The following SCLT1 variants were observed in gnomAD, a reference collection of about 807,000 sequenced individuals.
The protein encoded by SCLT1 is sodium channel-associated protein 1.
Under a neutral mutation model 112.8 loss-of-function variants are expected in SCLT1, and 78 were observed. The ratio of observed to expected loss-of-function variants is 0.69; its 90% CI spans 0.58 to 0.83. The LOEUF (loss-of-function observed/expected upper bound fraction) is 0.83, where lower values mean the gene tolerates loss of function less well. Ranked by LOEUF, SCLT1 falls within the 40% of genes least tolerant of loss-of-function variation. The probability of loss-of-function intolerance (pLI) is 0.00; values close to 1 mark genes in which losing one functional copy is unlikely to be tolerated. For missense variants in SCLT1, 747 were observed against 770.4 expected (o/e 0.97, Z 0.36); for synonymous variants, 257 against 254.7 (o/e 1.01, Z -0.09).
At chr4:128,904,880 T>C (rs1221504624) in intron 18 of SCLT1, among the ~76,000 whole-genome samples, 2 of 152,140 alleles carry the variant, frequency 1.3e-5, no homozygotes, top group East Asian at 3.8e-4. Flanking sequence ...CATTGTTAAC[T>C]AAAAATACCA....
chr4:128,939,347 G>T (rs1428559163), intron 17 of SCLT1, among the ~76,000 whole-genome samples: 1 of 152,100 alleles, frequency 6.6e-6, no homozygotes, highest in Non-Finnish European at 1.5e-5. Context: ...GTGGCTTTTT[G>T]ATGTCAAAAT....
rs559566813 is a variant in SCLT1, at chr4:129,041,360, C to T, written c.234+2035G>A. On this transcript the variant is annotated intron_variant, in intron 4 of 20. Transcript: ENST00000281142. ...AAATGCTTTTATTTGACATTTGGGT[C>T]TAAAGGACAACTTTGTTTATGTATT... Among the ~76,000 whole-genome samples, 29 of 152,208 alleles carry T rather than the reference C, an allele frequency of 1.9e-4. No homozygotes were observed. In the East Asian group the frequency reaches 5.6e-3, roughly 29 times the overall value.
chr4:129,053,477 T>TATGTAATGC (rs1048281610), intron 2 of SCLT1, among the ~76,000 whole-genome samples: 5 of 151,834 alleles, frequency 3.3e-5, no homozygotes, highest in Non-Finnish European at 7.4e-5. Flanking sequence ...CCTTTAACAT[T>TATGTAATGC]ATGTAATGCC....
chr4:129,023,036 C>T (rs1006311362), intron 5 of SCLT1, among the ~76,000 whole-genome samples: 9 of 152,150 alleles, frequency 5.9e-5, no homozygotes, highest in Admixed American at 6.5e-5. Flanking sequence ...ATTTCATACC[C>T]AGCCAAACTA....
rs1158030842 is a variant in SCLT1 at position 128,911,266 on chromosome 4, CA to C, written c.1830-20130del. On this transcript the variant is annotated intron_variant, in intron 18 of 20. Transcript: ENST00000281142. ...GGGCAATAAGAATGAAACTCCGTCTCAAAAAAATATAATAAATAGGTAAATA... is the reference window on the plus strand; with the variant it reads ...GGGCAATAAGAATGAAACTCCGTCTCAAAAAATATAATAAATAGGTAAATA... 4.6e-5 allele frequency among the ~76,000 whole-genome samples: 7 copies of C among 151,850 alleles called. No individual in the cohort carries two copies. In the East Asian group the frequency reaches 5.8e-4, roughly 13 times the overall value.
intron 18 of SCLT1, among the ~76,000 whole-genome samples, chr4:128,922,033 G>A (rs1735925419): frequency 6.6e-6 from 1 of 151,990 alleles, no homozygotes; most frequent in South Asian, 2.1e-4. Flanking sequence ...CGGCCAACAA[G>A]CATATGAAAA....
At chr4:129,017,870 T>C (rs1277873355) in intron 5 of SCLT1, among the ~76,000 whole-genome samples, 2 of 152,248 alleles carry the variant, frequency 1.3e-5, no homozygotes, top group African/African-American at 4.8e-5. Flanking sequence ...CTGATCTCTA[T>C]GTTCCAGTGT....
chr4:129,056,084 C>A (rs149415307), intron 2 of SCLT1, among the ~76,000 whole-genome samples: 1 of 152,142 alleles, frequency 6.6e-6, no homozygotes, highest in Non-Finnish European at 1.5e-5. Flanking sequence ...GATGCTCCAC[C>A]CTGCTTCTGC....
At chr4:129,043,704 T>C (rs1380041035) in intron 3 of SCLT1, among the ~76,000 whole-genome samples, 1 of 152,212 alleles carries the variant, frequency 6.6e-6, no homozygotes, top group Non-Finnish European at 1.5e-5. Flanking sequence ...AACAGCATAC[T>C]TGGCCTCTAC....
At chr4:129,061,067 T>A (rs1476845006) in intron 2 of SCLT1, among the ~76,000 whole-genome samples, 1 of 152,066 alleles carries the variant, frequency 6.6e-6, no homozygotes, top group Non-Finnish European at 1.5e-5. Context: ...CTCTGGAGAT[T>A]TGTGCCTGAG....
intron 1 of SCLT1, among the ~76,000 whole-genome samples, chr4:129,091,901 G>T (rs1752857870): frequency 6.6e-6 from 1 of 152,134 alleles, no homozygotes; most frequent in Admixed American, 6.5e-5. Context: ...TTAACCACTG[G>T]TCTATAATGC....
chr4:128,883,270 G>A (rs1031891257), downstream of SCLT1, among the ~76,000 whole-genome samples: 1 of 151,928 alleles, frequency 6.6e-6, no homozygotes, highest in African/African-American at 2.4e-5. Context: ...AGAAATGGAG[G>A]GGAAGAATAG....
intron 8 of SCLT1, among the ~76,000 whole-genome samples, chr4:128,996,159 G>A (rs142711987): frequency 7.8e-4 from 118 of 152,016 alleles, no homozygotes; most frequent in African/African-American, 2.7e-3. Flanking sequence ...AGCAAGAGAG[G>A]GTCTCAAATC....
At chr4:128,983,179 C>T (rs997145714) in intron 9 of SCLT1, among the ~76,000 whole-genome samples, 18 of 152,298 alleles carry the variant, frequency 1.2e-4, no homozygotes, top group Admixed American at 3.9e-4. Flanking sequence ...TGAGCCACTG[C>T]GCCCGGCCAC....
At chr4:129,067,564 GC>G (rs1055926336) in intron 2 of SCLT1, among the ~76,000 whole-genome samples, 2 of 152,122 alleles carry the variant, frequency 1.3e-5, no homozygotes, top group Non-Finnish European at 2.9e-5. Flanking sequence ...ACGCTGGAGT[GC>G]CATGGAATGA....
chr4:128,999,116 G>C (rs72924119), intron 7 of SCLT1, among the ~76,000 whole-genome samples: 1,552 of 152,070 alleles, frequency 0.01, 16 homozygotes, highest in African/African-American at 0.028. Context: ...CTTTGAAAGA[G>C]TGTAGAATGA....
chr4:128,996,710 T>C (rs924452458), intron 8 of SCLT1, among the ~76,000 whole-genome samples: 1 of 152,138 alleles, frequency 6.6e-6, no homozygotes, highest in African/African-American at 2.4e-5. Flanking sequence ...TCTCTTTTAT[T>C]CATCATGCCA....
intron 9 of SCLT1, chr4:128,971,145 T>C (rs1005027161): frequency 1.3e-5 from 2 of 152,154 alleles, no homozygotes; most frequent in Non-Finnish European, 2.9e-5. Context: ...ATTTTTAATA[T>C]CATCATAATT....
intron 13 of SCLT1, among the ~76,000 whole-genome samples, chr4:128,955,789 A>G (rs1739170541): frequency 6.6e-6 from 1 of 152,216 alleles, no homozygotes; most frequent in East Asian, 1.9e-4. Flanking sequence ...CAATGAGTAT[A>G]TATCACTTTT....
Sources: allele counts gnomAD v4.1 joint callset (sites outside exome capture counted in the v4.1 genomes callset), GRCh38; gene constraint gnomAD v4.1.1; transcripts MANE v1.5; gene names NCBI Gene and HGNC (gene_info 2026-07-23, HGNC 2026-07-21).